The following RAPGEF2 variants were observed in gnomAD, a reference collection of about 807,000 sequenced individuals.
RAPGEF2 encodes the protein PDZ domain containing guanine nucleotide exchange factor (GEF) 1.
A neutral mutation model predicts 186.7 loss-of-function variants in RAPGEF2; 54 were observed. The ratio of observed to expected loss-of-function variants is 0.29; its 90% confidence interval spans 0.23 to 0.36. The LOEUF (loss-of-function observed/expected upper bound fraction) is 0.36, where lower values mean the gene tolerates loss of function less well. Among genes scored for constraint, RAPGEF2 ranks in the 10% least tolerant of loss-of-function variants. RAPGEF2 has a pLI of 1.00. For missense variants in RAPGEF2, 1,532 were observed against 2,045.0 expected (o/e 0.75, Z 4.84); for synonymous variants, 712 against 705.9 (o/e 1.01, Z -0.14).
intron 7 of RAPGEF2, among the ~76,000 whole-genome samples, chr4:159,293,010 G>T (rs1318412224): frequency 1.3e-5 from 2 of 152,006 alleles, no homozygotes; most frequent in African/African-American, 4.8e-5. Flanking sequence ...CTAGTGATAT[G>T]CTAGATTTAT....
At chr4:159,296,094 A>G (rs1761993534) in intron 7 of RAPGEF2, among the ~76,000 whole-genome samples, 1 of 152,226 alleles carries the variant, frequency 6.6e-6, no homozygotes, top group Admixed American at 6.5e-5. Flanking sequence ...CAATTACTGG[A>G]TATTACCATA....
chr4:159,157,235 T>C (rs1456818300), intron 1 of RAPGEF2, among the ~76,000 whole-genome samples: 1 of 152,192 alleles, frequency 6.6e-6, no homozygotes, highest in Non-Finnish European at 1.5e-5. Context: ...GACTGCAGCT[T>C]TGCCCCTTGA....
chr4:159,323,634 T>C lies in RAPGEF2; in HGVS notation c.1149+17T>C. The C allele has an allele frequency of 7.3e-7, 1 of 1,378,320 alleles. No individual in the cohort carries two copies. Among genetic ancestry groups the C allele is most frequent in the South Asian group, 1.8e-5 (1 of 55,526 alleles). The allele number at this position is 1,378,320 out of a possible 1,614,324, so 85.4% of individuals were successfully genotyped here. A position where few individuals can be genotyped will look rare whatever the true frequency, so the allele number is the denominator to read the frequency against. On this transcript the variant is annotated intron_variant, in intron 11 of 29. Coordinates refer to ENST00000691494, the MANE Select transcript of RAPGEF2 (RefSeq NM_001394067.2). ...GACTGCCAGGTATAAAATATATCAT[T>C]AAAAATATATATTTTATTCTTAATA... is the stretch of plus-strand genomic sequence containing the variant.
chr4:159,112,986 A>G (rs901131995), intron 1 of RAPGEF2, among the ~76,000 whole-genome samples: 2 of 152,224 alleles, frequency 1.3e-5, no homozygotes, highest in African/African-American at 4.8e-5. Context: ...TGAGAAAGAG[A>G]TATCTCTGGT....
At chr4:159,213,936 A>G (rs1750759503) in intron 4 of RAPGEF2, among the ~76,000 whole-genome samples, 1 of 152,220 alleles carries the variant, frequency 6.6e-6, no homozygotes, top group Admixed American at 6.5e-5. Flanking sequence ...AGTGCCTGTA[A>G]TGCCATGTAT....
At chr4:159,206,442 T>C (rs1357794697) in intron 3 of RAPGEF2, among the ~76,000 whole-genome samples, 1 of 152,192 alleles carries the variant, frequency 6.6e-6, no homozygotes, top group Non-Finnish European at 1.5e-5. Flanking sequence ...ACCAGCTTCA[T>C]TGCCTGGAAG....
chr4:159,113,988 A>T (rs958623914), intron 1 of RAPGEF2, among the ~76,000 whole-genome samples: 15 of 151,840 alleles, frequency 9.9e-5, no homozygotes, highest in African/African-American at 3.6e-4. Context: ...ACAGGATCTC[A>T]CTGTGTCACC....
At chr4:159,258,432 G>A in intron 7 of RAPGEF2, among the ~76,000 whole-genome samples, 1 of 152,028 alleles carries the variant, frequency 6.6e-6, no homozygotes, top group South Asian at 2.1e-4. Flanking sequence ...TTTCAGGCAA[G>A]TTTATTTGGA....
chr4:159,332,010 A>G lies in RAPGEF2; in HGVS notation c.1864A>G (p.Ile622Val), dbSNP rs370012184. The change falls in exon 16 of 30, where the codon ATC (isoleucine) becomes GTC (valine). Residue 622 changes from isoleucine (I) to valine (V), a missense_variant. Physicochemically the swap from Ile to Val is conservative, Grantham distance 29. This residue lies in a region of RAPGEF2 where 810 missense variants were observed against 1,210.5 expected (regional missense o/e 0.67). Transcript: ENST00000691494. ...EILRNNTHLS[I>V]TVKTNLFVFK... ...TCTTAGAAATAACACACATTTATCT[A>G]TCACTGTGAAAACCAATTTATTTGG... 2 of 1,600,734 alleles carry G rather than the reference A, an allele frequency of 1.2e-6. No individual in the cohort carries two copies. Among genetic ancestry groups the G allele is most frequent in the East Asian group, 2.2e-5 (1 of 44,750 alleles).
Position 159,352,688 on chromosome 4 carries a change from A to G in RAPGEF2, c.3869A>G (p.Tyr1290Cys), listed in dbSNP as rs1488545291. The change falls in exon 27 of 30, where the codon TAT becomes TGT. Residue 1290 changes from tyrosine (Y) to cysteine (C), a missense_variant. Tyr to Cys is a radical substitution (Grantham distance 194). Transcript: ENST00000691494. ...TACGGTTGTATTTCTCATGCAGGCT[A>G]TACTTTGGCTCCCAGTGGTACTGTG... ...TSPQSSPRKG[Y>C]TLAPSGTVDN... The G allele has an allele frequency of 3.1e-6, 5 of 1,610,576 alleles. No individual in the cohort carries two copies. The highest frequency in any genetic ancestry group is 2.2e-5 in the South Asian group (2 of 91,022).
At chr4:159,180,506 A>T (rs2111274411) in intron 1 of RAPGEF2, among the ~76,000 whole-genome samples, 2 of 152,332 alleles carry the variant, frequency 1.3e-5, no homozygotes, top group East Asian at 3.9e-4. Context: ...AGAATAATGT[A>T]GTCTTTTCCC....
chr4:159,219,714 T>C (rs1468558088), intron 4 of RAPGEF2, among the ~76,000 whole-genome samples: 2 of 152,188 alleles, frequency 1.3e-5, no homozygotes, highest in Non-Finnish European at 2.9e-5. Flanking sequence ...TGAGCAAAAA[T>C]GACCAGAACT....
intron 7 of RAPGEF2, among the ~76,000 whole-genome samples, chr4:159,274,835 A>C (rs1758624754): frequency 6.6e-6 from 1 of 152,206 alleles, no homozygotes; most frequent in African/African-American, 2.4e-5. Flanking sequence ...TACTTTAAAG[A>C]CATGATATAA....
chr4:159,345,549 T>G (rs1433530490), intron 24 of RAPGEF2, among the ~76,000 whole-genome samples: 1 of 152,232 alleles, frequency 6.6e-6, no homozygotes, highest in Non-Finnish European at 1.5e-5. Context: ...AAGATGACAC[T>G]GTCCACATCT....
At chr4:159,273,881 C>G (rs1758507776) in intron 7 of RAPGEF2, among the ~76,000 whole-genome samples, 1 of 152,164 alleles carries the variant, frequency 6.6e-6, no homozygotes, top group African/African-American at 2.4e-5. Context: ...CTACCTCCAT[C>G]TCCCGGGTTC....
intron 7 of RAPGEF2, among the ~76,000 whole-genome samples, chr4:159,288,934 C>T (rs545190299): frequency 3.9e-5 from 6 of 152,292 alleles, no homozygotes; most frequent in Non-Finnish European, 7.3e-5. Flanking sequence ...GTAATTTTCT[C>T]AGAGCAGCCT....
intron 3 of RAPGEF2, among the ~76,000 whole-genome samples, chr4:159,204,198 T>C (rs1036359868): frequency 3.3e-5 from 5 of 152,232 alleles, no homozygotes; most frequent in African/African-American, 1.2e-4. Context: ...AAGAAATCAT[T>C]ACAGAAAAAC....
intron 7 of RAPGEF2, among the ~76,000 whole-genome samples, chr4:159,254,196 T>C (rs945159495): frequency 2.6e-5 from 4 of 152,214 alleles, no homozygotes; most frequent in African/African-American, 9.6e-5. Context: ...TGAGTGGTGG[T>C]AAAGAATACA....
chr4:159,348,377 A>G (rs956634466), intron 25 of RAPGEF2, among the ~76,000 whole-genome samples: 2 of 152,214 alleles, frequency 1.3e-5, no homozygotes, highest in African/African-American at 4.8e-5. Flanking sequence ...GTTACAGCCC[A>G]TCTGTATGGC....
Sources: gnomAD v4.1 joint callset for allele counts (sites outside exome capture counted in the v4.1 genomes callset) on GRCh38, gnomAD v4.1.1 for gene constraint, gnomAD v4.1.1 regional missense constraint, MANE v1.5 for transcripts, NCBI Gene and HGNC (gene_info 2026-07-23, HGNC 2026-07-21) for gene names.